CLEC16A: variants seen among roughly 807,000 people sequenced by gnomAD.
CLEC16A encodes protein CLEC16A.
Under a neutral mutation model 109.5 loss-of-function variants are expected in CLEC16A, and 51 were observed. The observed-to-expected ratio is 0.47, with a 90% CI of 0.37 to 0.59. CLEC16A has a LOEUF of 0.59. Among genes scored for constraint, CLEC16A ranks in the 20% least tolerant of loss-of-function variants. The pLI is 0.00. For synonymous variants in CLEC16A, 673 were observed against 564.2 expected (o/e 1.19, Z -2.73); for missense variants, 1,339 against 1,394.0 (o/e 0.96, Z 0.63).
chr16:11,006,126 G>A (rs1041008023), intron 11 of CLEC16A, among the ~76,000 whole-genome samples: 15 of 152,156 alleles, frequency 9.9e-5, no homozygotes, highest in Admixed American at 6.5e-4. Context: ...AGCTTGGCCA[G>A]CAAGTGGAGA....
At chr16:11,098,575 T>G (rs2050736209) in intron 19 of CLEC16A, among the ~76,000 whole-genome samples, 1 of 152,192 alleles carries the variant, frequency 6.6e-6, no homozygotes, top group African/African-American at 2.4e-5. Flanking sequence ...TCCAAACCAC[T>G]TGTCCATAGA....
intron 19 of CLEC16A, among the ~76,000 whole-genome samples, chr16:11,105,287 G>C (rs1264448810): frequency 6.6e-6 from 1 of 152,160 alleles, no homozygotes; most frequent in Admixed American, 6.5e-5. Context: ...CCTTGGACTC[G>C]GTTTCTGGTA....
intron 13 of CLEC16A, among the ~76,000 whole-genome samples, chr16:11,039,491 G>A (rs534582521): frequency 6.6e-6 from 1 of 152,296 alleles, no homozygotes; most frequent in East Asian, 1.9e-4. Flanking sequence ...AGAGGGGACA[G>A]GCGCAGTGGC....
rs115220051 is a variant in CLEC16A at position 11,003,468 on chromosome 16, C to T, written c.1303+163C>T. ...GCGTACCTCATTCTATACAGCCCTG[C>T]CACTCGGAGGCTGCTGTAGGTGTAT... On this transcript the variant is annotated intron_variant, in intron 11 of 23. Coordinates refer to ENST00000409790, the MANE Select transcript of CLEC16A (RefSeq NM_015226.3). Among the ~76,000 whole-genome samples the T allele has an allele frequency of 8.1e-3, 1,231 of 152,272 alleles. 8 individuals carry two copies. The highest frequency in any genetic ancestry group is 0.027 in the African/African-American group (1,131 of 41,542).
chr16:11,142,242 G>C (rs1010710169), intron 22 of CLEC16A, among the ~76,000 whole-genome samples: 2 of 152,236 alleles, frequency 1.3e-5, no homozygotes, highest in African/African-American at 2.4e-5. Context: ...GCTCAGTCCA[G>C]TGTCCAGGGA....
chr16:11,031,561 G>A (rs775605653), intron 13 of CLEC16A, among the ~76,000 whole-genome samples: 1 of 152,160 alleles, frequency 6.6e-6, no homozygotes, highest in Non-Finnish European at 1.5e-5. Context: ...CCCATTTTCT[G>A]CTAATGCTAT....
At chr16:10,986,103 T>A (rs1268370763) in intron 10 of CLEC16A, among the ~76,000 whole-genome samples, 1 of 133,238 alleles carries the variant, frequency 7.5e-6, no homozygotes, top group Non-Finnish European at 1.5e-5. Flanking sequence ...CGATCTCAGC[T>A]CACTGCAAGC....
intron 9 of CLEC16A, 50 bp from the exon 10 acceptor site, chr16:10,982,828 G>A (rs1422477808): frequency 1.8e-6 from 2 of 1,124,354 alleles, no homozygotes; most frequent in Admixed American, 1.8e-5. Flanking sequence ...GCAAGAGGTT[G>A]AAAATACCGC....
intron 22 of CLEC16A, chr16:11,126,575 T>A: frequency 4.6e-6 from 2 of 436,494 alleles, no homozygotes; most frequent in Non-Finnish European, 7.9e-6. Context: ...TGCCCACAGG[T>A]CAGCTGTCCA....
intron 19 of CLEC16A, among the ~76,000 whole-genome samples, chr16:11,096,033 T>G (rs908370924): frequency 6.6e-6 from 1 of 152,040 alleles, no homozygotes. Flanking sequence ...ACCTTGTCTT[T>G]GTAAGAAAAC....
chr16:10,999,559 G>C (rs1344783968), intron 10 of CLEC16A, among the ~76,000 whole-genome samples: 1 of 152,108 alleles, frequency 6.6e-6, no homozygotes, highest in African/African-American at 2.4e-5. Flanking sequence ...TGGACAAACA[G>C]ATCATAATTA....
intron 11 of CLEC16A, among the ~76,000 whole-genome samples, chr16:11,003,682 G>A (rs569870896): frequency 1.3e-5 from 2 of 152,250 alleles, no homozygotes; most frequent in South Asian, 4.1e-4. Context: ...CAAAGGCTTC[G>A]ATGCTGCAGA....
chr16:11,112,858 TG>T (rs1030428908), intron 19 of CLEC16A, among the ~76,000 whole-genome samples: 1 of 152,206 alleles, frequency 6.6e-6, no homozygotes, highest in Non-Finnish European at 1.5e-5. Flanking sequence ...TCCTACCTTT[TG>T]CCTGTGGGGC....
At chr16:11,100,168 G>A (rs1450690105) in intron 19 of CLEC16A, among the ~76,000 whole-genome samples, 1 of 152,162 alleles carries the variant, frequency 6.6e-6, no homozygotes, top group Non-Finnish European at 1.5e-5. Context: ...GCTGAAGAAG[G>A]TGCAGGAGTT....
chr16:10,964,113 A>G (rs1165161475), intron 3 of CLEC16A, among the ~76,000 whole-genome samples: 1 of 152,250 alleles, frequency 6.6e-6, no homozygotes, highest in Non-Finnish European at 1.5e-5. Flanking sequence ...TGCAGTGGGC[A>G]GAAAGAGGTA....
At chr16:11,153,574 A>G (rs1461680807) in intron 22 of CLEC16A, among the ~76,000 whole-genome samples, 1 of 150,696 alleles carries the variant, frequency 6.6e-6, no homozygotes, top group Non-Finnish European at 1.5e-5. Context: ...TACATACTAG[A>G]TACGTTCCTT....
chr16:11,127,805 C>T (rs889758384), intron 22 of CLEC16A, among the ~76,000 whole-genome samples: 13 of 152,190 alleles, frequency 8.5e-5, no homozygotes, highest in Admixed American at 3.9e-4. Flanking sequence ...AGGAGGTTGA[C>T]GCTGCAGTGA....
chr16:10,964,133 G>A (rs1439765333), intron 3 of CLEC16A, among the ~76,000 whole-genome samples: 1 of 152,242 alleles, frequency 6.6e-6, no homozygotes, highest in Non-Finnish European at 1.5e-5. Flanking sequence ...AGAGATGGTG[G>A]CATTCCTCTG....
At chr16:11,136,963 G>A (rs949015639) in intron 22 of CLEC16A, among the ~76,000 whole-genome samples, 42 of 152,308 alleles carry the variant, frequency 2.8e-4, no homozygotes, top group African/African-American at 3.6e-4. Context: ...TTTCCACTCC[G>A]TGAACCGCCA....
Sources: gnomAD v4.1 joint callset for allele counts (sites outside exome capture counted in the v4.1 genomes callset) on GRCh38, gnomAD v4.1.1 for gene constraint, MANE v1.5 for transcripts, NCBI Gene and HGNC (gene_info 2026-07-23, HGNC 2026-07-21) for gene names.